Variants in NEK3 observed in about 807,000 individuals in gnomAD.
The protein encoded by NEK3 is NIMA related kinase 3.
In NEK3, 54 loss-of-function variants were observed where a neutral mutation model predicts 66.0. The observed-to-expected ratio is 0.82, with a 90% CI of 0.66 to 1.03. The LOEUF is 1.03. NEK3 is among the 50% of genes least tolerant of loss of function. The pLI is 0.00. For missense variants in NEK3, 593 were observed against 603.0 expected (o/e 0.98, Z 0.17); for synonymous variants, 200 against 206.2 (o/e 0.97, Z 0.26).
At position 52,154,059 on chromosome 13, in the gene NEK3, T is replaced by A. The variant is rs368453119; in HGVS notation, c.211+21A>T. On this transcript the variant is annotated intron_variant, in intron 3 of 15. Coordinates refer to ENST00000610828, the MANE Select transcript of NEK3 (RefSeq NM_002498.3). The stretch of plus-strand genomic sequence containing the variant: ...TAAATCAAATTCAGAAATGCACATA[T>A]CTGGGGGAATTCGTATTTACCTTCA... The A allele has an allele frequency of 5.6e-5, 90 of 1,603,930 alleles. No individual in the cohort carries two copies. In the Middle Eastern group the frequency reaches 6.6e-4, roughly 12 times the overall value.
At chr13:52,139,077 T>C (rs996190478) in intron 11 of NEK3, among the ~76,000 whole-genome samples, 1 of 152,202 alleles carries the variant, frequency 6.6e-6, no homozygotes, top group Non-Finnish European at 1.5e-5. Context: ...TGTAAAAGAA[T>C]GTCACAGTTG....
At chr13:52,143,821 C>A (rs1163643398) in intron 10 of NEK3, 94 bp downstream of exon 10, 5 of 702,932 alleles carry the variant, frequency 7.1e-6, no homozygotes, top group South Asian at 1.7e-5. Context: ...CTCCGATAAT[C>A]ATTTCTAATA....
chr13:52,134,592 A>G (rs1956187146), intron 14 of NEK3, among the ~76,000 whole-genome samples: 2 of 152,334 alleles, frequency 1.3e-5, no homozygotes, highest in African/African-American at 4.8e-5. Context: ...TGAAAACCTA[A>G]CCTAAAAACA....
intron 12 of NEK3, 29 bp from the exon 13 acceptor site, chr13:52,136,288 C>T: frequency 1.2e-6 from 2 of 1,611,082 alleles, no homozygotes; most frequent in Non-Finnish European, 1.7e-6. Context: ...AAAGGAATGC[C>T]AAGCATGTGA....
rs145726140 is a variant in NEK3 at position 52,139,415 on chromosome 13, C to T, written c.927+1605G>A. Reference sequence around the variant, plus strand: ...ATTTGAGATTAGAGGCTGCCAGGGGCTGCAGTGGTGGAAGAGGGAGTTATT... The same window carrying T: ...ATTTGAGATTAGAGGCTGCCAGGGGTTGCAGTGGTGGAAGAGGGAGTTATT... On this transcript the variant is annotated intron_variant, in intron 11 of 15. Coordinates refer to ENST00000610828, the MANE Select transcript of NEK3 (RefSeq NM_002498.3). Among the ~76,000 whole-genome samples, 923 of 152,242 alleles carry T rather than the reference C, an allele frequency of 6.1e-3. 12 individuals carry two copies. Among genetic ancestry groups the T allele is most frequent in the African/African-American group, 0.021 (879 of 41,538 alleles).
chr13:52,154,195 G>A (rs374904288), intron 2 of NEK3, 22 bp from the exon 3 acceptor site: 2 of 1,450,342 alleles, frequency 1.4e-6, no homozygotes, highest in Admixed American at 2.0e-5. Flanking sequence ...TTTTAAATAA[G>A]CATAAACTTA....
At chr13:52,137,750 T>C (rs963401321) in intron 11 of NEK3, among the ~76,000 whole-genome samples, 12 of 152,176 alleles carry the variant, frequency 7.9e-5, no homozygotes, top group African/African-American at 2.9e-4. Context: ...GGATCACTGC[T>C]TTCTGTGTCT....
intron 8 of NEK3, 57 bp downstream of exon 8, chr13:52,148,358 A>T: frequency 6.6e-7 from 1 of 1,516,266 alleles, no homozygotes; most frequent in Non-Finnish European, 9.1e-7. Context: ...CTGTCACATT[A>T]TTAGGGCTCA....
At chr13:52,159,026 G>A (rs1027626909) in intron 1 of NEK3, among the ~76,000 whole-genome samples, 2 of 152,124 alleles carry the variant, frequency 1.3e-5, no homozygotes, top group Non-Finnish European at 2.9e-5. Flanking sequence ...AGAAGCTCTT[G>A]TGATTTCATC....
intron 11 of NEK3, among the ~76,000 whole-genome samples, chr13:52,138,518 T>A (rs908655906): frequency 6.6e-6 from 1 of 152,128 alleles, no homozygotes; most frequent in Non-Finnish European, 1.5e-5. Flanking sequence ...AACATAATGG[T>A]GGGGTGTTGT....
intron 10 of NEK3, among the ~76,000 whole-genome samples, chr13:52,141,990 G>A (rs1216303114): frequency 6.6e-6 from 1 of 151,862 alleles, no homozygotes; most frequent in East Asian, 1.9e-4. Context: ...TGGAGGCTGA[G>A]GCATGAGAAT....
At chr13:52,150,483 C>T (rs1956334405) in intron 7 of NEK3, among the ~76,000 whole-genome samples, 1 of 151,966 alleles carries the variant, frequency 6.6e-6, no homozygotes, top group Admixed American at 6.6e-5. Flanking sequence ...AAGAAAAAAA[C>T]ATCAAAATGT....
intron 14 of NEK3, among the ~76,000 whole-genome samples, chr13:52,134,931 T>A (rs1191284861): frequency 2.0e-5 from 3 of 152,210 alleles, no homozygotes; most frequent in Admixed American, 6.5e-5. Context: ...TTCTTTTTTT[T>A]ATCTTAACCT....
At position 52,144,794 on chromosome 13, in the gene NEK3, A is replaced by C. The variant is rs1956280948; in HGVS notation, c.701T>G (p.Val234Gly). ...SHYSYELQFL[V>G]KQMFKRNPSH... ...GGGATTCCTTTTAAACATCTGCTTG[A>C]CTAGGAACTGAAGTTCATAGGAGTA... The change falls in exon 9 of 16, where the codon GTC becomes GGC. Residue 234 changes from valine to glycine, a missense_variant. Val to Gly is a moderately radical substitution (Grantham distance 109). Transcript: ENST00000610828. 6.2e-7 allele frequency: 1 copy of C among 1,613,360 alleles called. No homozygotes were observed. The highest frequency in any genetic ancestry group is 1.3e-5 in the African/African-American group (1 of 74,878).
chr13:52,152,565 T>G, intron 5 of NEK3, 44 bp downstream of exon 5: 1 of 1,306,410 alleles, frequency 7.7e-7, no homozygotes, highest in African/African-American at 1.5e-5. Flanking sequence ...AATGACTGAA[T>G]TAAGGACTTT....
At chr13:52,136,707 T>A (rs563357244) in intron 12 of NEK3, 93 bp downstream of exon 12, 32 of 669,362 alleles carry the variant, frequency 4.8e-5, no homozygotes, top group Admixed American at 1.2e-4. Flanking sequence ...TATCAGCTTG[T>A]ACTCTTGTTT....
At chr13:52,133,598 T>C (rs1956173791) in intron 15 of NEK3, 91 bp downstream of exon 15, 3 of 1,429,472 alleles carry the variant, frequency 2.1e-6, no homozygotes, top group East Asian at 5.0e-5. Context: ...TCTGAAATTA[T>C]CATGGTCTAA....
chr13:52,133,609 T>C, intron 15 of NEK3, 80 bp downstream of exon 15: 1 of 1,281,364 alleles, frequency 7.8e-7, no homozygotes, highest in Non-Finnish European at 1.0e-6. Flanking sequence ...CATGGTCTAA[T>C]TTAAATCACA....
intron 10 of NEK3, among the ~76,000 whole-genome samples, chr13:52,141,857 A>G (rs910303926): frequency 6.6e-5 from 10 of 151,342 alleles, no homozygotes; most frequent in Non-Finnish European, 1.5e-4. Flanking sequence ...AGGCTGGTGG[A>G]TCACCTGAGG....
Sources: allele counts gnomAD v4.1 joint callset (sites outside exome capture counted in the v4.1 genomes callset), GRCh38; gene constraint gnomAD v4.1.1; transcripts MANE v1.5; gene names NCBI Gene and HGNC (gene_info 2026-07-23, HGNC 2026-07-21).